The following MECOM variants were observed in gnomAD, a reference collection of about 807,000 sequenced individuals.
MECOM encodes MDS1 and EVI1 complex locus, also known as histone-lysine N-methyltransferase MECOM.
In MECOM, 13 loss-of-function variants were observed where a neutral mutation model predicts 116.3. The observed-to-expected ratio is 0.11, with a 90% CI of 0.07 to 0.18. MECOM has a LOEUF of 0.18. MECOM is among the 10% of genes least tolerant of loss of function. The pLI, the probability that MECOM is intolerant of heterozygous loss-of-function variation, is 1.00. For synonymous variants in MECOM, 528 were observed against 535.2 expected, an observed-to-expected ratio of 0.99 and a Z score of 0.19; for missense variants, 1,299 against 1,509.0, an observed-to-expected ratio of 0.86 and a Z score of 2.31.
chr3:169,590,965 G>C (rs1345091626), intron 1 of MECOM, among the ~76,000 whole-genome samples: 2 of 152,194 alleles, frequency 1.3e-5, no homozygotes, highest in Non-Finnish European at 2.9e-5. Context: ...GAACCTATTA[G>C]AGAAAGCAAT....
At chr3:169,167,168 G>C (rs1743727527) in intron 2 of MECOM, among the ~76,000 whole-genome samples, 1 of 152,124 alleles carries the variant, frequency 6.6e-6, no homozygotes, top group Non-Finnish European at 1.5e-5. Context: ...TGTAGAGACG[G>C]GGTCTCACCA....
intron 1 of MECOM, among the ~76,000 whole-genome samples, chr3:169,660,272 G>A (rs1776110934): frequency 6.6e-6 from 1 of 152,158 alleles, no homozygotes. Flanking sequence ...AAATTCAGGG[G>A]CGTTAGGCAC....
intron 1 of MECOM, among the ~76,000 whole-genome samples, chr3:169,390,528 T>C (rs1734050269): frequency 6.6e-6 from 1 of 152,174 alleles, no homozygotes; most frequent in African/African-American, 2.4e-5. Context: ...AGAAGAAAGC[T>C]GCACCCCTTC....
At chr3:169,375,683 A>G (rs1308464835) in intron 2 of MECOM, among the ~76,000 whole-genome samples, 2 of 152,124 alleles carry the variant, frequency 1.3e-5, no homozygotes, top group African/African-American at 4.8e-5. Flanking sequence ...TGAGGCAGTA[A>G]TTAATAGTCT....
chr3:169,274,479 G>A (rs781664385), intron 2 of MECOM, among the ~76,000 whole-genome samples: 6 of 152,098 alleles, frequency 3.9e-5, no homozygotes, highest in Admixed American at 6.5e-5. Flanking sequence ...GGGTTGAGCA[G>A]GAAGAAATCA....
intron 1 of MECOM, among the ~76,000 whole-genome samples, chr3:169,503,554 CT>C (rs1388468039): frequency 6.6e-6 from 1 of 152,098 alleles, no homozygotes; most frequent in East Asian, 1.9e-4. Context: ...AAAAAGCGGC[CT>C]TCATTTTATC....
rs1380610679 is a variant in MECOM, at chr3:169,663,657, T to C, written c.-285A>G. 2.2e-6 allele frequency: 1 copy of C among 465,064 alleles called. No individual in the cohort carries two copies. Among genetic ancestry groups the C allele is most frequent in the Non-Finnish European group, 3.8e-6 (1 of 262,638 alleles). The allele number at this position is 465,064 out of a possible 1,614,324, so 28.8% of individuals were successfully genotyped here. A position where few individuals can be genotyped will look rare whatever the true frequency, so the allele number is the denominator to read the frequency against. On this transcript the variant is annotated 5_prime_UTR_variant, in exon 1 of 17. It removes an upstream start codon present in the reference 5' UTR. Transcript: ENST00000651503. ...ATCCACACTCGCTATCTCTCCAGCA[T>C]TGTCAGTTTGGACACCTTCGCACAT...
intron 2 of MECOM, among the ~76,000 whole-genome samples, chr3:169,331,498 A>G (rs1318075333): frequency 2.0e-5 from 3 of 152,196 alleles, no homozygotes; most frequent in Non-Finnish European, 1.5e-5. Flanking sequence ...AAAAACTTGA[A>G]AACAATATAT....
chr3:169,201,516 A>T (rs1749152465), intron 2 of MECOM, among the ~76,000 whole-genome samples: 1 of 152,076 alleles, frequency 6.6e-6, no homozygotes, highest in Non-Finnish European at 1.5e-5. Context: ...AGCTAGAGTA[A>T]TAGATACCTG....
chr3:169,348,502 G>A (rs1725756071), intron 2 of MECOM, among the ~76,000 whole-genome samples: 1 of 151,922 alleles, frequency 6.6e-6, no homozygotes, highest in Non-Finnish European at 1.5e-5. Flanking sequence ...CTGATTTGAG[G>A]ATGAGTAGAA....
intron 2 of MECOM, among the ~76,000 whole-genome samples, chr3:169,180,547 C>T (rs1204574166): frequency 6.6e-6 from 1 of 151,894 alleles, no homozygotes; most frequent in Admixed American, 6.6e-5. Flanking sequence ...TTTCCTTGAT[C>T]ACCTCCTCAT....
At chr3:169,600,525 C>CAGTT (rs1767708385) in intron 1 of MECOM, among the ~76,000 whole-genome samples, 1 of 152,072 alleles carries the variant, frequency 6.6e-6, no homozygotes, top group South Asian at 2.1e-4. Flanking sequence ...CAAGAAACAC[C>CAGTT]AGTTACCCAG....
chr3:169,447,871 G>A (rs1240218866), intron 1 of MECOM: 1 of 152,332 alleles, frequency 6.6e-6, no homozygotes, highest in Non-Finnish European at 1.5e-5. Flanking sequence ...ATGAAAGATT[G>A]GTGAGTAACT....
intron 2 of MECOM, among the ~76,000 whole-genome samples, chr3:169,208,623 T>C (rs1750277382): frequency 6.6e-6 from 1 of 151,904 alleles, no homozygotes; most frequent in Admixed American, 6.6e-5. Flanking sequence ...TCAAAATATC[T>C]GTGTTAGCTA....
In MECOM at chr3:169,093,014, T is replaced by C; in HGVS notation, c.3108A>G (p.Arg1036=). The part of the protein sequence containing the change: ...DKEDAYFTEI[R]NFIGNSNHGS... ...CATGGTTGCTGTTCCCAATGAAATT[T>C]CGAATTTCTGTGAAGTAAGCATCTT... Residue 1036 remains arginine (R), a synonymous_variant, in exon 14 of 17, where the codon CGA becomes CGG. Coordinates refer to ENST00000651503, the MANE Select transcript of MECOM (RefSeq NM_004991.4). 2 of 1,613,852 alleles carry C rather than the reference T, an allele frequency of 1.2e-6. No individual in the cohort carries two copies. The highest frequency in any genetic ancestry group is 2.2e-5 in the South Asian group (2 of 91,072).
At chr3:169,550,796 T>C (rs1761279286) in intron 1 of MECOM, among the ~76,000 whole-genome samples, 1 of 151,034 alleles carries the variant, frequency 6.6e-6, no homozygotes, top group Non-Finnish European at 1.5e-5. Context: ...GTGGTCTTTA[T>C]AAATGAGAGA....
intron 1 of MECOM, among the ~76,000 whole-genome samples, chr3:169,430,698 A>C (rs1230708037): frequency 5.3e-5 from 8 of 152,094 alleles, no homozygotes; most frequent in Non-Finnish European, 1.2e-4. Flanking sequence ...GTTCCAATTG[A>C]TTTCCTTTGC....
chr3:169,210,003 C>A (rs905789872), intron 2 of MECOM, among the ~76,000 whole-genome samples: 1 of 152,084 alleles, frequency 6.6e-6, no homozygotes, highest in Non-Finnish European at 1.5e-5. Flanking sequence ...TATATATACA[C>A]CATGGAATGC....
chr3:169,258,210 A>G (rs866153596), intron 2 of MECOM, among the ~76,000 whole-genome samples: 5 of 151,848 alleles, frequency 3.3e-5, no homozygotes, highest in Admixed American at 6.6e-5. Flanking sequence ...ACAGAGAAAG[A>G]CTCCATCACA....
Sources: gnomAD v4.1 joint callset for allele counts (sites outside exome capture counted in the v4.1 genomes callset) on GRCh38, gnomAD v4.1.1 for gene constraint, MANE v1.5 for transcripts, NCBI Gene and HGNC (gene_info 2026-07-23, HGNC 2026-07-21) for gene names.